The following GRIPAP1 variants were observed in gnomAD, a reference collection of about 807,000 sequenced individuals.
GRIPAP1 encodes the protein GRIP1-associated protein 1.
In GRIPAP1, 14 loss-of-function variants were observed where a neutral mutation model predicts 84.1. The observed-to-expected ratio is 0.17, with a 90% CI of 0.11 to 0.26. The LOEUF (loss-of-function observed/expected upper bound fraction) is 0.26, where lower values mean the gene tolerates loss of function less well. GRIPAP1 is among the 10% of genes least tolerant of loss of function. GRIPAP1 has a pLI of 1.00. For missense variants in GRIPAP1, 518 were observed against 674.2 expected (o/e 0.77, Z 2.57); for synonymous variants, 261 against 256.8 (o/e 1.02, Z -0.15).
In GRIPAP1 at chrX:48,982,108, C is replaced by A. The variant is rs1207388609; in HGVS notation, c.1600-236G>T. 5.3e-5 allele frequency among the ~76,000 whole-genome samples: 6 copies of A among 112,573 alleles called. 1 individual carries two copies. The highest frequency in any genetic ancestry group is 1.9e-4 in the Admixed American group (2 of 10,605). On this transcript the variant is annotated intron_variant, in intron 17 of 25. Transcript: ENST00000376423. ...ATTTAACAAAACATAGCGCTTACTA[C>A]ATGCCAAGAATGTTCTAAGGGTTTT...
intron 24 of GRIPAP1, 69 bp from the exon 25 acceptor site, chrX:48,975,378 G>A (rs782407663): frequency 4.8e-6 from 5 of 1,039,420 alleles, no homozygotes; most frequent in Non-Finnish European, 6.5e-6. Flanking sequence ...AGCCAGAGGA[G>A]AAAAGAGGGA....
At chrX:48,990,770 G>A (rs782462654) in intron 7 of GRIPAP1, 38 bp from the exon 8 acceptor site, 6 of 1,158,933 alleles carry the variant, frequency 5.2e-6, no homozygotes, top group Non-Finnish European at 7.1e-6. Flanking sequence ...GTTGTTGTTA[G>A]CAAGGACAAG....
At chrX:48,991,594 C>T (rs1330672286) in intron 6 of GRIPAP1, among the ~76,000 whole-genome samples, 1 of 112,497 alleles carries the variant, frequency 8.9e-6, no homozygotes, top group Non-Finnish European at 1.9e-5. Context: ...TATCCCAGCA[C>T]TTTGGGAGGC....
intron 21 of GRIPAP1, among the ~76,000 whole-genome samples, chrX:48,979,413 G>C (rs1557061399): frequency 1.2e-5 from 1 of 86,339 alleles, no homozygotes; most frequent in Non-Finnish European, 2.2e-5. Flanking sequence ...GGAGGCGGAG[G>C]TTGCAGTGAG....
chrX:48,997,577 G>A (rs1557067145), intron 4 of GRIPAP1, among the ~76,000 whole-genome samples: 1 of 109,035 alleles, frequency 9.2e-6, no homozygotes. Context: ...ATACAGGGAG[G>A]AAGAGAGCGG....
At chrX:48,999,795 T>C (rs1239607054) in intron 1 of GRIPAP1, among the ~76,000 whole-genome samples, 1 of 110,942 alleles carries the variant, frequency 9.0e-6, no homozygotes, top group Non-Finnish European at 1.9e-5. Flanking sequence ...AGGGTCTTGC[T>C]TGTGTGAGTT....
chrX:49,002,181 GC>G lies in GRIPAP1; in HGVS notation c.42+6del. 8.6e-7 allele frequency: 1 copy of G among 1,160,695 alleles called. No individual in the cohort carries two copies. Among genetic ancestry groups the G allele is most frequent in the Non-Finnish European group, 1.2e-6 (1 of 854,172 alleles). The stretch of plus-strand genomic sequence containing the variant: ...AGCCGGGTGGTCTTTCCCACCGCGA[GC>G]GGCACCTGCATCCGCTGAAACTCCT... On this transcript the variant is annotated splice_donor_region_variant and intron_variant, in intron 1 of 25. Coordinates refer to ENST00000376423, the MANE Select transcript of GRIPAP1 (RefSeq NM_020137.5).
intron 3 of GRIPAP1, 176 bp downstream of exon 3, chrX:48,999,062 T>G (rs1209475433): frequency 8.1e-6 from 3 of 368,659 alleles, no homozygotes; most frequent in Non-Finnish European, 1.4e-5. Context: ...TTAAGCAGGA[T>G]TAGGTAAAAT....
At chrX:48,988,239 C>G (rs781887459) in intron 11 of GRIPAP1, 41 bp from the exon 12 acceptor site, 1 of 957,444 alleles carries the variant, frequency 1.0e-6, no homozygotes, top group South Asian at 2.1e-5. Flanking sequence ...CTCAGCCTCT[C>G]CTGGGGTGCA....
rs781871317 is a variant in GRIPAP1 at position 48,974,321 on chromosome X, G to A, written c.2434-36C>T. The A allele has an allele frequency of 4.2e-6, 4 of 941,668 alleles. No homozygotes were observed. The East Asian group carries it at 9.3e-5, about 22-fold the overall frequency. The allele number at this position is 941,668 out of a possible 1,213,427, so 77.6% of individuals were successfully genotyped here. A position where few individuals can be genotyped will look rare whatever the true frequency, so the allele number is the denominator to read the frequency against. On this transcript the variant is annotated intron_variant, in intron 25 of 25. Transcript: ENST00000376423. ...AATGAACCATCAGGGGCCAGAGAAG[G>A]GGACAGGCTGCTCCCTTGCCAAACG...
intron 1 of GRIPAP1, 46 bp downstream of exon 1, chrX:49,002,142 G>T: frequency 2.2e-6 from 2 of 917,478 alleles, no homozygotes; most frequent in Non-Finnish European, 1.6e-6. Context: ...TCGCTACCCC[G>T]CCCCCGGTCG....
intron 6 of GRIPAP1, 41 bp from the exon 7 acceptor site, chrX:48,991,151 T>C: frequency 1.0e-6 from 1 of 990,555 alleles, no homozygotes; most frequent in South Asian, 1.9e-5. Context: ...TGAGGTGGTC[T>C]CTGAAGTCCC....
At chrX:48,994,287 G>C (rs782430362) in intron 5 of GRIPAP1, among the ~76,000 whole-genome samples, 1 of 99,967 alleles carries the variant, frequency 1.0e-5, no homozygotes, top group South Asian at 4.6e-4. Context: ...ACAGTGGCAC[G>C]ATTTCAGCCC....
intron 1 of GRIPAP1, among the ~76,000 whole-genome samples, 189 bp downstream of exon 1, chrX:49,001,999 C>G (rs2064583115): frequency 9.0e-6 from 1 of 111,076 alleles, no homozygotes; most frequent in African/African-American, 3.3e-5. Context: ...AGAGTCCAAC[C>G]TTCAAAGCCG....
intron 21 of GRIPAP1, among the ~76,000 whole-genome samples, chrX:48,980,566 G>A (rs1220273918): frequency 9.1e-6 from 1 of 110,493 alleles, no homozygotes; most frequent in Non-Finnish European, 1.9e-5. Context: ...CAGAGTGGCG[G>A]GAAGAGATAA....
chrX:48,997,124 C>G, intron 5 of GRIPAP1, 126 bp downstream of exon 5: 2 of 480,462 alleles, frequency 4.2e-6, no homozygotes, highest in Non-Finnish European at 7.1e-6. Flanking sequence ...AATCCAGGAC[C>G]TGTTTCAGCA....
chrX:48,982,998 C>T lies in GRIPAP1; in HGVS notation c.1580G>A (p.Arg527Gln), dbSNP rs781949266. 5.8e-6 allele frequency: 7 copies of T among 1,199,182 alleles called. No individual in the cohort carries two copies. In the East Asian group the frequency reaches 1.8e-4, roughly 30 times the overall value. ...ACTCACCTCGGCTTCCTTCAAGCGCCGTTCAAACCAGCCCTTGGCTCCATC... is the reference window on the plus strand; with the variant it reads ...ACTCACCTCGGCTTCCTTCAAGCGCTGTTCAAACCAGCCCTTGGCTCCATC... ...SMDGAKGWFE[R>Q]RLKEAEESLQ... Residue 527 changes from arginine to glutamine, a missense_variant, in exon 17 of 26, where the codon CGG becomes CAG. This residue lies in a region of GRIPAP1 where 372 missense variants were observed against 458.1 expected (regional missense o/e 0.81). Transcript: ENST00000376423.
At chrX:48,996,341 C>G (rs2064546919) in intron 5 of GRIPAP1, among the ~76,000 whole-genome samples, 1 of 112,304 alleles carries the variant, frequency 8.9e-6, no homozygotes, top group East Asian at 2.8e-4. Context: ...CGCGGTGGCT[C>G]ACGCCTTTAA....
Position 48,976,332 on chromosome X carries a change from G to T in GRIPAP1, c.2093C>A (p.Pro698His). Residue 698 changes from proline (P) to histidine (H), a missense_variant, in exon 23 of 26, where the codon CCT (proline) becomes CAT (histidine). Pro to His is a moderately conservative substitution (Grantham distance 77). Transcript: ENST00000376423. ...CTCATCTGACAGCTCTGCTGGCCGA[G>T]GGGGCTGGGCTTGAGGGCTGCTGGA... ...SLSSSPQAQPPRPAELSDEEV... is the reference protein window; with the variant it reads ...SLSSSPQAQPHRPAELSDEEV... The T allele has an allele frequency of 8.3e-7, 1 of 1,199,812 alleles. No individual in the cohort carries two copies. Among genetic ancestry groups the T allele is most frequent in the Non-Finnish European group, 1.1e-6 (1 of 889,831 alleles).
Sources: allele counts gnomAD v4.1 joint callset (sites outside exome capture counted in the v4.1 genomes callset), GRCh38; gene constraint gnomAD v4.1.1; regional missense constraint gnomAD v4.1.1; transcripts MANE v1.5; gene names NCBI Gene and HGNC (gene_info 2026-07-23, HGNC 2026-07-21).